The following ALK variants were observed in gnomAD, a reference collection of about 807,000 sequenced individuals.
ALK encodes ALK receptor tyrosine kinase.
Under a neutral mutation model 163.1 loss-of-function variants are expected in ALK, and 74 were observed. The ratio of observed to expected loss-of-function variants is 0.45; its 90% CI spans 0.38 to 0.55. The LOEUF (loss-of-function observed/expected upper bound fraction) is 0.55. ALK is among the 20% of genes least tolerant of loss of function. The pLI, the probability that ALK is intolerant of heterozygous loss-of-function variation, is 0.00. For synonymous variants in ALK, 960 were observed against 843.2 expected (o/e 1.14, Z -2.40); for missense variants, 2,063 against 2,105.3 (o/e 0.98, Z 0.39).
chr2:29,240,442 AATT>A (rs772750302), intron 12 of ALK, among the ~76,000 whole-genome samples: 5 of 152,130 alleles, frequency 3.3e-5, no homozygotes, highest in South Asian at 4.1e-4. Flanking sequence ...AGTATTAGTT[AATT>A]ATTATTATTA....
At position 29,882,849 on chromosome 2, in the gene ALK, G is replaced by A. The variant is rs566843269; in HGVS notation, c.667+37144C>T. Among the ~76,000 whole-genome samples the A allele has an allele frequency of 5.3e-5, 8 of 152,312 alleles. No homozygotes were observed. The South Asian group carries it at 1.7e-3, about 32-fold the overall frequency. On this transcript the variant is annotated intron_variant, in intron 1 of 28. Coordinates refer to ENST00000389048, the MANE Select transcript of ALK (RefSeq NM_004304.5). ...ATAAACAACAAATACAACTTTTAGT[G>A]ATGTGTATCCCAAATATTGTAAACA...
chr2:29,503,208 T>C (rs562573410), intron 4 of ALK, among the ~76,000 whole-genome samples: 1 of 152,328 alleles, frequency 6.6e-6, no homozygotes, highest in South Asian at 2.1e-4. Context: ...GATAGATAGG[T>C]AACAAATTAT....
At chr2:29,303,356 G>A (rs1666421903) in intron 8 of ALK, among the ~76,000 whole-genome samples, 1 of 152,068 alleles carries the variant, frequency 6.6e-6, no homozygotes, top group South Asian at 2.1e-4. Flanking sequence ...CAGTCAGAAT[G>A]GCTATTATTA....
At chr2:29,818,083 T>C (rs961462624) in intron 1 of ALK, among the ~76,000 whole-genome samples, 3 of 152,182 alleles carry the variant, frequency 2.0e-5, no homozygotes, top group Non-Finnish European at 4.4e-5. Context: ...CAAACTCCAC[T>C]GTGCGAGAGG....
At chr2:29,447,191 C>T (rs1242791601) in intron 4 of ALK, among the ~76,000 whole-genome samples, 3 of 152,134 alleles carry the variant, frequency 2.0e-5, no homozygotes, top group Non-Finnish European at 4.4e-5. Flanking sequence ...CACTCAAGAC[C>T]CTCCACAATC....
chr2:29,234,817 C>G (rs116813602), intron 13 of ALK, among the ~76,000 whole-genome samples: 5,708 of 152,274 alleles, frequency 0.037, 159 homozygotes, highest in South Asian at 0.072. Context: ...CGACCTTGGC[C>G]CACTGCAACT....
chr2:29,404,014 G>C (rs1235711313), intron 4 of ALK, among the ~76,000 whole-genome samples: 3 of 152,020 alleles, frequency 2.0e-5, no homozygotes, highest in Non-Finnish European at 4.4e-5. Flanking sequence ...TCTATAAAAG[G>C]AGTTGTAGGC....
chr2:29,467,143 A>C (rs1407852001), intron 4 of ALK, among the ~76,000 whole-genome samples: 1 of 152,030 alleles, frequency 6.6e-6, no homozygotes, highest in Non-Finnish European at 1.5e-5. Flanking sequence ...ATGCTGTGTG[A>C]AGGAAGGGAT....
intron 9 of ALK, among the ~76,000 whole-genome samples, chr2:29,283,974 T>C (rs1379409494): frequency 6.6e-6 from 1 of 152,210 alleles, no homozygotes; most frequent in African/African-American, 2.4e-5. Context: ...CAGTCAGTGA[T>C]GTGATTCACG....
chr2:29,351,764 T>C (rs1328912819), intron 5 of ALK, among the ~76,000 whole-genome samples: 1 of 152,016 alleles, frequency 6.6e-6, no homozygotes, highest in Admixed American at 6.6e-5. Context: ...GGGAGGCTGG[T>C]GGTAGGGTGG....
chr2:29,356,133 G>A (rs1412216049), intron 5 of ALK, among the ~76,000 whole-genome samples: 1 of 152,216 alleles, frequency 6.6e-6, no homozygotes, highest in Non-Finnish European at 1.5e-5. Context: ...AGGCCCCTCT[G>A]TCCTGATGCA....
At chr2:29,291,759 C>T (rs1463756361) in intron 9 of ALK, among the ~76,000 whole-genome samples, 1 of 152,170 alleles carries the variant, frequency 6.6e-6, no homozygotes, top group Non-Finnish European at 1.5e-5. Context: ...TCTAGACCTG[C>T]AAACTGAGGC....
At chr2:29,831,259 G>GGAAGAAGAA (rs201594262) in intron 1 of ALK, among the ~76,000 whole-genome samples, 2,642 of 28,146 alleles carry the variant, frequency 0.094, 552 homozygotes, top group African/African-American at 0.1. Flanking sequence ...AAGAGGAAGA[G>GGAAGAAGAA]GAAGAAGAAG....
chr2:29,478,522 T>C (rs1209119711), intron 4 of ALK, among the ~76,000 whole-genome samples: 1 of 152,238 alleles, frequency 6.6e-6, no homozygotes, highest in African/African-American at 2.4e-5. Context: ...CTTCTTTCCA[T>C]GACTCCCTTA....
chr2:29,230,871 C>T (rs746239520), intron 15 of ALK, among the ~76,000 whole-genome samples: 72 of 152,184 alleles, frequency 4.7e-4, no homozygotes, highest in Middle Eastern at 6.8e-3. Context: ...TGAGTAAGCG[C>T]GTAATAAATA....
At chr2:29,890,899 T>C (rs1667126196) in intron 1 of ALK, 1 of 152,054 alleles carries the variant, frequency 6.6e-6, no homozygotes, top group African/African-American at 2.4e-5. Context: ...CAAAACATAA[T>C]AAAAGAGGAA....
intron 4 of ALK, among the ~76,000 whole-genome samples, chr2:29,468,114 C>G (rs1314955247): frequency 6.6e-6 from 1 of 151,804 alleles, no homozygotes; most frequent in African/African-American, 2.4e-5. Flanking sequence ...CTGCAACCTG[C>G]GCCTACCGGG....
intron 3 of ALK, among the ~76,000 whole-genome samples, chr2:29,688,916 C>T (rs1051756656): frequency 2.0e-5 from 3 of 152,126 alleles, no homozygotes; most frequent in Non-Finnish European, 1.5e-5. Context: ...GCCATAAATG[C>T]CGGACTTGAA....
intron 4 of ALK, among the ~76,000 whole-genome samples, chr2:29,473,895 G>C (rs983650492): frequency 7.0e-6 from 1 of 142,940 alleles, no homozygotes; most frequent in Non-Finnish European, 1.6e-5. Context: ...CTATCCACCA[G>C]AATGGCTAAA....
Sources: gnomAD v4.1 joint callset for allele counts (sites outside exome capture counted in the v4.1 genomes callset) on GRCh38, gnomAD v4.1.1 for gene constraint, MANE v1.5 for transcripts, NCBI Gene and HGNC (gene_info 2026-07-23, HGNC 2026-07-21) for gene names.